Variants in FAM174B observed in about 807,000 individuals in gnomAD.
FAM174B encodes the protein membrane protein FAM174B.
Under a neutral mutation model 10.9 loss-of-function variants are expected in FAM174B, and 12 were observed. The ratio of observed to expected loss-of-function variants is 1.10; its 90% CI spans 0.71 to 1.79. The LOEUF (loss-of-function observed/expected upper bound fraction) is 1.79. Among genes scored for constraint, FAM174B ranks in the 40% most tolerant of loss-of-function variants. FAM174B has a pLI of 0.00. For missense variants in FAM174B, 266 were observed against 233.3 expected, an observed-to-expected ratio of 1.14 and a Z score of -0.91; for synonymous variants, 132 against 115.8, an observed-to-expected ratio of 1.14 and a Z score of -0.90.
chr15:92,621,237 G>A (rs1207191918), intron 2 of FAM174B, among the ~76,000 whole-genome samples: 3 of 152,246 alleles, frequency 2.0e-5, no homozygotes, highest in Middle Eastern at 6.8e-3. Flanking sequence ...GAAAATATGA[G>A]TTAAAAGTAT....
intron 1 of FAM174B, among the ~76,000 whole-genome samples, chr15:92,653,401 C>G (rs2050979985): frequency 6.6e-6 from 1 of 152,198 alleles, no homozygotes. Flanking sequence ...AAATACACAG[C>G]CTTGTGGACT....
intron 1 of FAM174B, among the ~76,000 whole-genome samples, chr15:92,636,263 G>A (rs1596299326): frequency 6.6e-6 from 1 of 152,058 alleles, no homozygotes; most frequent in African/African-American, 2.4e-5. Context: ...GCAACAAGCC[G>A]AGATCTCGCC....
chr15:92,631,833 TAA>T (rs34216047), intron 1 of FAM174B, among the ~76,000 whole-genome samples: 7 of 151,750 alleles, frequency 4.6e-5, no homozygotes, highest in East Asian at 1.9e-4. Context: ...ATACATGCTT[TAA>T]AAAAAAAGCC....
intron 2 of FAM174B, among the ~76,000 whole-genome samples, chr15:92,622,327 C>T (rs549215977): frequency 9.2e-5 from 14 of 152,356 alleles, no homozygotes; most frequent in Admixed American, 3.3e-4. Flanking sequence ...GAAGTCCACC[C>T]GCACACACCA....
chr15:92,625,398 C>G (rs1349133386), intron 2 of FAM174B, among the ~76,000 whole-genome samples: 1 of 152,170 alleles, frequency 6.6e-6, no homozygotes, highest in Non-Finnish European at 1.5e-5. Flanking sequence ...ACAAAATAAC[C>G]CAAAGCCATG....
At chr15:92,624,066 G>A (rs1050266482) in intron 2 of FAM174B, among the ~76,000 whole-genome samples, 2 of 152,126 alleles carry the variant, frequency 1.3e-5, no homozygotes, top group African/African-American at 4.8e-5. Context: ...CTGGCTTTGA[G>A]TGAGACACCC....
intron 2 of FAM174B, among the ~76,000 whole-genome samples, chr15:92,621,360 C>T (rs575883002): frequency 6.6e-6 from 1 of 152,164 alleles, no homozygotes; most frequent in Admixed American, 6.5e-5. Flanking sequence ...GCCCGTAATC[C>T]CAGAACTTTG....
chr15:92,635,158 TCCACACACAC>T (rs144035996), intron 1 of FAM174B, among the ~76,000 whole-genome samples: 47,690 of 84,848 alleles, frequency 0.56, 7,826 homozygotes, highest in South Asian at 0.66. Context: ...TCACTATCTC[TCCACACACAC>T]CCACACACAC....
At chr15:92,619,807 A>C in intron 2 of FAM174B, 1 of 344,556 alleles carries the variant, frequency 2.9e-6, no homozygotes, top group Non-Finnish European at 5.3e-6. Context: ...AAATATTGTA[A>C]ACTCTGCAGA....
At chr15:92,642,870 A>G (rs1341836551) in intron 1 of FAM174B, among the ~76,000 whole-genome samples, 1 of 152,234 alleles carries the variant, frequency 6.6e-6, no homozygotes, top group Non-Finnish European at 1.5e-5. Context: ...GAAATGACAC[A>G]TGCCACACAT....
At chr15:92,640,704 G>A (rs904108031) in intron 1 of FAM174B, among the ~76,000 whole-genome samples, 1 of 151,840 alleles carries the variant, frequency 6.6e-6, no homozygotes, top group Non-Finnish European at 1.5e-5. Context: ...GAGTGCAGTG[G>A]CATGATTTTG....
At position 92,644,572 on chromosome 15, in the gene FAM174B, C is replaced by A. The variant is rs1053715303; in HGVS notation, c.344+10744G>T. 2.0e-5 allele frequency among the ~76,000 whole-genome samples: 3 copies of A among 152,226 alleles called. No homozygotes were observed. The East Asian group carries it at 5.8e-4, about 29-fold the overall frequency. ...CTCGCCTCACCCCTGTCCTAGGGCACCCCCTCCCCACCACGCTGCAGCCCC... is the reference window on the plus strand; with the variant it reads ...CTCGCCTCACCCCTGTCCTAGGGCAACCCCTCCCCACCACGCTGCAGCCCC... On this transcript the variant is annotated intron_variant, in intron 1 of 2. Coordinates refer to ENST00000327355, the MANE Select transcript of FAM174B (RefSeq NM_207446.3).
intron 1 of FAM174B, among the ~76,000 whole-genome samples, chr15:92,632,439 A>C (rs1276243945): frequency 1.3e-5 from 2 of 152,186 alleles, no homozygotes. Context: ...ACTACTCAGG[A>C]GGCTGAGGCA....
At chr15:92,650,081 T>C (rs1348113558) in intron 1 of FAM174B, among the ~76,000 whole-genome samples, 1 of 152,136 alleles carries the variant, frequency 6.6e-6, no homozygotes, top group Non-Finnish European at 1.5e-5. Context: ...TACCATGAAA[T>C]AATAAGCAAT....
chr15:92,617,849 G>C lies in FAM174B; in HGVS notation c.*1607C>G. On this transcript the variant is annotated 3_prime_UTR_variant, in exon 3 of 3. Transcript: ENST00000327355. ...GTCAACAAAGAAGGTGAAATGCAGG[G>C]AGCAGAGACTACACGCAGGCCCCCC... The C allele has an allele frequency of 2.1e-6, 1 of 475,584 alleles. No individual in the cohort carries two copies. Among genetic ancestry groups the C allele is most frequent in the South Asian group, 3.7e-5 (1 of 26,772 alleles). 29.5% of individuals were successfully genotyped at this position (475,584 alleles called of 1,614,324 possible).
chr15:92,621,940 G>GT (rs2050722177), intron 2 of FAM174B, among the ~76,000 whole-genome samples: 3 of 152,338 alleles, frequency 2.0e-5, no homozygotes, highest in Admixed American at 2.0e-4. Flanking sequence ...AGGATGAAGG[G>GT]TGGGGGCACA....
intron 1 of FAM174B, among the ~76,000 whole-genome samples, chr15:92,652,963 A>G (rs2050976606): frequency 6.6e-6 from 1 of 152,182 alleles, no homozygotes; most frequent in African/African-American, 2.4e-5. Context: ...ACAGACTTGC[A>G]GAGTGTTCTA....
At chr15:92,654,475 C>G (rs1349277446) in intron 1 of FAM174B, among the ~76,000 whole-genome samples, 1 of 152,186 alleles carries the variant, frequency 6.6e-6, no homozygotes, top group East Asian at 1.9e-4. Context: ...TAGCCCTGTC[C>G]ACCAGGATGG....
chr15:92,619,653 T>C (rs2050705909), intron 2 of FAM174B, 194 bp from the exon 3 acceptor site: 3 of 624,898 alleles, frequency 4.8e-6, no homozygotes, highest in African/African-American at 1.9e-5. Context: ...TCCCCACAGT[T>C]CCCAACTAAG....
Sources: gnomAD v4.1 joint callset for allele counts (sites outside exome capture counted in the v4.1 genomes callset) on GRCh38, gnomAD v4.1.1 for gene constraint, MANE v1.5 for transcripts, NCBI Gene and HGNC (gene_info 2026-07-23, HGNC 2026-07-21) for gene names.